BEND7: variants seen among roughly 807,000 people sequenced by gnomAD.
BEND7 encodes the protein BEN domain-containing protein 7.
BEND7 carries 28 observed loss-of-function variants against 50.9 expected under a neutral mutation model. The observed-to-expected ratio is 0.55, with a 90% CI of 0.41 to 0.75. The LOEUF is 0.75. Ranked by LOEUF, BEND7 falls within the 30% of genes least tolerant of loss-of-function variation. The pLI is 0.00. For missense variants in BEND7, 477 were observed against 491.3 expected, an observed-to-expected ratio of 0.97 and a Z score of 0.28; for synonymous variants, 170 against 183.9, an observed-to-expected ratio of 0.92 and a Z score of 0.61.
chr10:13,488,746 C>CA (rs1360468218), intron 5 of BEND7, among the ~76,000 whole-genome samples: 1 of 152,220 alleles, frequency 6.6e-6, no homozygotes, highest in Non-Finnish European at 1.5e-5. Context: ...CTTGGCCTCC[C>CA]AAAGTGCTGG....
intron 4 of BEND7, among the ~76,000 whole-genome samples, chr10:13,493,113 G>C (rs1435158117): frequency 6.6e-6 from 1 of 152,244 alleles, no homozygotes; most frequent in African/African-American, 2.4e-5. Flanking sequence ...GGTGAATCGT[G>C]ACAGCATACT....
rs775441961 is a variant in BEND7 at position 13,480,880 on chromosome 10, T to C, written c.1063+19A>G. The C allele has an allele frequency of 8.1e-6, 13 of 1,612,654 alleles. No individual in the cohort carries two copies. The highest frequency in any genetic ancestry group is 1.7e-5 in the Admixed American group (1 of 59,904). ...AAAGCTCAACGAAGAACCCACAAAA[T>C]GAAATGATGCAGACCAACCTTTTAT... On this transcript the variant is annotated intron_variant, in intron 6 of 8. Transcript: ENST00000466271.
Position 13,441,478 on chromosome 10 carries a change from T to C in BEND7, c.*265A>G. 7.6e-7 allele frequency: 1 copy of C among 1,322,892 alleles called. No individual in the cohort carries two copies. The allele number at this position is 1,322,892 out of a possible 1,614,324, so 81.9% of individuals were successfully genotyped here. On this transcript the variant is annotated 3_prime_UTR_variant, in exon 9 of 9. Transcript: ENST00000466271. ...CTTTGGGTTGAACAAGCTCCACCCG[T>C]CCTCAAGTGCTGAACACCCCAAGCT...
intron 5 of BEND7, among the ~76,000 whole-genome samples, chr10:13,482,698 G>T (rs999310221): frequency 6.6e-6 from 1 of 152,156 alleles, no homozygotes; most frequent in Non-Finnish European, 1.5e-5. Flanking sequence ...TTCCATGTTT[G>T]GTCTCTGAAT....
chr10:13,504,248 T>C (rs975495007), intron 2 of BEND7, among the ~76,000 whole-genome samples: 1 of 152,088 alleles, frequency 6.6e-6, no homozygotes, highest in Non-Finnish European at 1.5e-5. Context: ...GGCTGGGCTA[T>C]TACACCCACA....
chr10:13,518,021 T>C (rs2895567), intron 2 of BEND7, among the ~76,000 whole-genome samples: 150,465 of 152,348 alleles, frequency 0.99, 74,331 homozygotes, highest in Middle Eastern at 1. Context: ...CTTATTTCAC[T>C]GTATAGATGG....
chr10:13,481,713 T>C (rs1448729261), intron 5 of BEND7, among the ~76,000 whole-genome samples: 1 of 152,196 alleles, frequency 6.6e-6, no homozygotes, highest in African/African-American at 2.4e-5. Flanking sequence ...GTAAAAACGA[T>C]GAGCAGGTTT....
At chr10:13,482,338 A>G (rs1375524524) in intron 5 of BEND7, among the ~76,000 whole-genome samples, 2 of 152,204 alleles carry the variant, frequency 1.3e-5, no homozygotes, top group African/African-American at 4.8e-5. Context: ...TGTTGTTAGG[A>G]AAAAAGTCTG....
rs368104131 is a variant in BEND7, at chr10:13,497,782, C to T, written c.449-894G>A. Among the ~76,000 whole-genome samples the T allele has an allele frequency of 1.8e-4, 27 of 152,276 alleles. 1 individual carries two copies. In the East Asian group the frequency reaches 4.8e-3, roughly 27 times the overall value. On this transcript the variant is annotated intron_variant, in intron 3 of 8. Transcript: ENST00000466271. ...TGGAGCAGTTTAGAGACTTCCAGCG[C>T]TCACATTGTCTCACAGGCCAGCAAG...
At chr10:13,452,695 C>A in intron 6 of BEND7, 37 bp from the exon 7 acceptor site, 3 of 1,517,698 alleles carry the variant, frequency 2.0e-6, no homozygotes, top group Admixed American at 2.1e-5. Context: ...AATACCTTAA[C>A]AAGTAAAATA....
chr10:13,457,204 T>A (rs1274716892), intron 6 of BEND7, among the ~76,000 whole-genome samples: 1 of 152,174 alleles, frequency 6.6e-6, no homozygotes, highest in Non-Finnish European at 1.5e-5. Context: ...ATTAACAAAG[T>A]GGATTTGGAC....
At chr10:13,500,490 C>G in intron 2 of BEND7, 1 of 997,924 alleles carries the variant, frequency 1.0e-6, no homozygotes, top group Non-Finnish European at 1.2e-6. Context: ...ATGGGCAGGT[C>G]ACTAAAGCGC....
chr10:13,439,492 A>C, downstream of BEND7: 1 of 1,597,860 alleles, frequency 6.3e-7, no homozygotes, highest in Non-Finnish European at 8.5e-7. Context: ...GGCCCACCAC[A>C]AGCACCTGTG....
At chr10:13,450,451 G>T (rs746602231) in intron 7 of BEND7, among the ~76,000 whole-genome samples, 9 of 152,162 alleles carry the variant, frequency 5.9e-5, no homozygotes, top group Non-Finnish European at 1.2e-4. Context: ...GTTTCAATTT[G>T]CTGGGGCCCC....
At chr10:13,479,368 C>A (rs779133282) in intron 6 of BEND7, among the ~76,000 whole-genome samples, 2 of 151,100 alleles carry the variant, frequency 1.3e-5, no homozygotes, top group Non-Finnish European at 3.0e-5. Context: ...GCAGAAGAAA[C>A]CCACATCGAT....
chr10:13,478,734 C>T (rs2075642968), intron 6 of BEND7, among the ~76,000 whole-genome samples: 1 of 151,636 alleles, frequency 6.6e-6, no homozygotes, highest in African/African-American at 2.4e-5. Flanking sequence ...TGAATAAACA[C>T]TGCAAATAAA....
At chr10:13,509,546 A>G (rs1300362166) in intron 2 of BEND7, among the ~76,000 whole-genome samples, 1 of 152,228 alleles carries the variant, frequency 6.6e-6, no homozygotes, top group South Asian at 2.1e-4. Flanking sequence ...ACGCATGATC[A>G]ATGCCTTAGA....
intron 2 of BEND7, among the ~76,000 whole-genome samples, chr10:13,516,682 G>A (rs760979153): frequency 1.3e-5 from 2 of 152,138 alleles, no homozygotes; most frequent in African/African-American, 2.4e-5. Context: ...CCAAAATCGC[G>A]CCGCTGCACT....
At chr10:13,478,744 A>G (rs1387198663) in intron 6 of BEND7, among the ~76,000 whole-genome samples, 1 of 151,862 alleles carries the variant, frequency 6.6e-6, no homozygotes, top group African/African-American at 2.4e-5. Context: ...CTGCAAATAA[A>G]AACACTGCAA....
Sources: allele counts gnomAD v4.1 joint callset (sites outside exome capture counted in the v4.1 genomes callset), GRCh38; gene constraint gnomAD v4.1.1; transcripts MANE v1.5; gene names NCBI Gene and HGNC (gene_info 2026-07-23, HGNC 2026-07-21).